Variants in EPCIP observed in about 807,000 individuals in gnomAD.
The protein encoded by EPCIP is exosomal polycystin-1-interacting protein.
chr21:32,809,279 C>CTTTCTTTCTTTCTTTCTTTCTTTCTCTTT, the EPCIP span, among the ~76,000 whole-genome samples: 15 of 80,066 alleles, frequency 1.9e-4, no homozygotes, highest in Non-Finnish European at 3.3e-4. Context: ...CTCCCTCCTT[C>CTTTCTTTCTTTCTTTCTTTCTTTCTCTTT]CTTTCTTTCT....
At chr21:32,795,236 A>T in the EPCIP span, among the ~76,000 whole-genome samples, 2 of 152,204 alleles carry the variant, frequency 1.3e-5, no homozygotes, top group Non-Finnish European at 2.9e-5. Flanking sequence ...TTATGAACTG[A>T]TCTTGTCAAT....
At chr21:32,793,535 G>GT in the EPCIP span, 1 of 597,028 alleles carries the variant, frequency 1.7e-6, no homozygotes, top group Non-Finnish European at 3.0e-6. Context: ...AATCAAGTTG[G>GT]TTTTTTGGTT....
At chr21:32,797,946 G>A in the EPCIP span, 2 of 152,086 alleles carry the variant, frequency 1.3e-5, no homozygotes, top group African/African-American at 4.8e-5. Flanking sequence ...CACTCCTTCT[G>A]GGGACAAGAT....
At chr21:32,805,830 A>G in the EPCIP span, among the ~76,000 whole-genome samples, 2 of 152,090 alleles carry the variant, frequency 1.3e-5, no homozygotes, top group Non-Finnish European at 2.9e-5. Context: ...ATTAGCCTGG[A>G]TCATTGGTAA....
the EPCIP span, among the ~76,000 whole-genome samples, chr21:32,800,016 T>C: frequency 6.6e-6 from 1 of 152,230 alleles, no homozygotes; most frequent in Non-Finnish European, 1.5e-5. Flanking sequence ...TAAATTGCTT[T>C]TGATTTTTAA....
the EPCIP span, chr21:32,797,792 CAAAAT>C: frequency 7.9e-5 from 12 of 152,018 alleles, no homozygotes; most frequent in African/African-American, 2.4e-4. Flanking sequence ...AAAAAATAAA[CAAAAT>C]AAACTGCTCA....
chr21:32,804,275 TTA>T, the EPCIP span, among the ~76,000 whole-genome samples: 21 of 140,924 alleles, frequency 1.5e-4, no homozygotes, highest in Non-Finnish European at 2.3e-4. Context: ...ATGCATGTGA[TTA>T]TATATATATA....
the EPCIP span, chr21:32,794,438 C>T: frequency 1.9e-6 from 3 of 1,601,324 alleles, no homozygotes; most frequent in Non-Finnish European, 2.6e-6. Flanking sequence ...CCAGCATGGG[C>T]CAGCGTGTTT....
chr21:32,804,507 T>C, the EPCIP span, among the ~76,000 whole-genome samples: 5 of 151,900 alleles, frequency 3.3e-5, no homozygotes, highest in East Asian at 7.7e-4. Flanking sequence ...CATGCTACAA[T>C]ATACATAGTA....
At chr21:32,804,036 A>G in the EPCIP span, among the ~76,000 whole-genome samples, 59 of 152,326 alleles carry the variant, frequency 3.9e-4, no homozygotes, top group Middle Eastern at 6.8e-3. Flanking sequence ...CTCATCTAGA[A>G]AAAGATGAAG....
chr21:32,812,744 T>G, the EPCIP span, among the ~76,000 whole-genome samples: 5 of 152,162 alleles, frequency 3.3e-5, no homozygotes, highest in African/African-American at 4.8e-5. Flanking sequence ...ATGCACAATG[T>G]TTTTGAAACA....
chr21:32,804,275 T>TTATATATATATATATATATA, the EPCIP span, among the ~76,000 whole-genome samples: 116 of 140,918 alleles, frequency 8.2e-4, 1 homozygote, highest in African/African-American at 2.5e-3. Context: ...ATGCATGTGA[T>TTATATATATATATATATATA]TATATATATA....
the EPCIP span, among the ~76,000 whole-genome samples, chr21:32,804,305 C>G: frequency 7.0e-6 from 1 of 143,376 alleles, no homozygotes; most frequent in Non-Finnish European, 1.5e-5. Flanking sequence ...ATGAATAGTA[C>G]TATATTATTT....
the EPCIP span, among the ~76,000 whole-genome samples, chr21:32,804,009 C>G: frequency 7.9e-5 from 12 of 152,224 alleles, no homozygotes; most frequent in Non-Finnish European, 1.5e-4. Flanking sequence ...ACTATATGCT[C>G]TCATCTGATA....
the EPCIP span, among the ~76,000 whole-genome samples, chr21:32,810,918 T>C: frequency 6.6e-6 from 1 of 152,184 alleles, no homozygotes; most frequent in African/African-American, 2.4e-5. Flanking sequence ...CAGCAAATTG[T>C]CATTGATAAA....
chr21:32,809,912 A>G, the EPCIP span, among the ~76,000 whole-genome samples: 1 of 152,176 alleles, frequency 6.6e-6, no homozygotes, highest in African/African-American at 2.4e-5. Flanking sequence ...ATTAAAAAAA[A>G]AAAAGAGCTT....
At chr21:32,809,178 G>GGTGTGT in the EPCIP span, among the ~76,000 whole-genome samples, 4 of 69,722 alleles carry the variant, frequency 5.7e-5, no homozygotes, top group Admixed American at 3.2e-4. Context: ...AGCCTCGAGG[G>GGTGTGT]GTGCGTGTGT....
the EPCIP span, chr21:32,810,427 T>TATTA: frequency 9.7e-6 from 3 of 310,640 alleles, no homozygotes; most frequent in Non-Finnish European, 1.9e-5. Flanking sequence ...GGTAATTTTT[T>TATTA]TTTTTTTTTT....
the EPCIP span, among the ~76,000 whole-genome samples, chr21:32,809,279 C>CCTTCCTTTCTTTCTTTCTTT: frequency 3.7e-5 from 3 of 80,062 alleles, no homozygotes; most frequent in African/African-American, 1.4e-4. Flanking sequence ...CTCCCTCCTT[C>CCTTCCTTTCTTTCTTTCTTT]CTTTCTTTCT....
Sources: allele counts gnomAD v4.1 joint callset (sites outside exome capture counted in the v4.1 genomes callset), GRCh38; gene constraint gnomAD v4.1.1; transcripts MANE v1.5; gene names NCBI Gene and HGNC (gene_info 2026-07-23, HGNC 2026-07-21).